FRA10AC1: variants seen among roughly 807,000 people sequenced by gnomAD.
FRA10AC1 encodes FRA10A associated CGG repeat 1.
A neutral mutation model predicts 56.5 loss-of-function variants in FRA10AC1; 43 were observed. That is an observed-to-expected ratio of 0.76 (90% CI 0.60 to 0.98). The LOEUF (loss-of-function observed/expected upper bound fraction) is 0.98. FRA10AC1 is among the 50% of genes least tolerant of loss of function. FRA10AC1 has a pLI of 0.00. For missense variants in FRA10AC1, 346 were observed against 351.8 expected, an observed-to-expected ratio of 0.98 and a Z score of 0.13; for synonymous variants, 112 against 110.5, an observed-to-expected ratio of 1.01 and a Z score of -0.09.
rs763992265 is a variant in FRA10AC1, at chr10:93,668,227, T to C, written c.*1599A>G. 8 of 152,258 alleles carry C rather than the reference T, an allele frequency of 5.3e-5. No homozygotes were observed. The highest frequency in any genetic ancestry group is 3.3e-4 in the Admixed American group (5 of 15,272). The allele number at this position is 152,258 out of a possible 1,614,324, so 9.4% of individuals were successfully genotyped here. A position where few individuals can be genotyped will look rare whatever the true frequency, so the allele number is the denominator to read the frequency against. On this transcript the variant is annotated 3_prime_UTR_variant, in exon 14 of 14. Coordinates refer to ENST00000359204, the MANE Select transcript of FRA10AC1 (RefSeq NM_145246.5). ...ATATCTTCAATAAAATACTTGCTTA[T>C]GTTCAGTTCATTTTCTATATGTCCT...
rs749886576 is a variant in FRA10AC1 at position 93,668,456 on chromosome 10, G to C, written c.*1370C>G. 2.0e-5 allele frequency: 3 copies of C among 152,116 alleles called. No homozygotes were observed. Among genetic ancestry groups the C allele is most frequent in the African/African-American group, 7.2e-5 (3 of 41,422 alleles). 9.4% of individuals were successfully genotyped at this position (152,116 alleles called of 1,614,324 possible). On this transcript the variant is annotated 3_prime_UTR_variant, in exon 14 of 14. Transcript: ENST00000359204. ...TCTAAAAAGGCTTGGATCTCCTGAAGCACCTCCATAGACCCTTGCGACTAG... is the reference window on the plus strand; with the variant it reads ...TCTAAAAAGGCTTGGATCTCCTGAACCACCTCCATAGACCCTTGCGACTAG...
intron 12 of FRA10AC1, chr10:93,671,164 G>A (rs2058755349): frequency 1.4e-5 from 3 of 220,484 alleles, no homozygotes; most frequent in African/African-American, 2.3e-5. Context: ...AGTTGTCTCT[G>A]ATCTAGTTTC....
chr10:93,693,557 C>T (rs1185996602), intron 5 of FRA10AC1, among the ~76,000 whole-genome samples: 9 of 127,424 alleles, frequency 7.1e-5, no homozygotes, highest in Admixed American at 1.7e-4. Flanking sequence ...TACACACATA[C>T]ATACACCATA....
At chr10:93,698,885 A>C (rs2059280813) in intron 2 of FRA10AC1, among the ~76,000 whole-genome samples, 1 of 152,224 alleles carries the variant, frequency 6.6e-6, no homozygotes, top group South Asian at 2.1e-4. Context: ...ACAAATTTGT[A>C]AACTTTCTTA....
intron 7 of FRA10AC1, among the ~76,000 whole-genome samples, chr10:93,689,499 A>G (rs2059088838): frequency 6.6e-6 from 1 of 152,118 alleles, no homozygotes; most frequent in Non-Finnish European, 1.5e-5. Context: ...TAGGATGTCT[A>G]CTGAAGCACA....
At chr10:93,671,752 T>C (rs7904844) in intron 12 of FRA10AC1, 135,580 of 297,944 alleles carry the variant, frequency 0.46, 33,652 homozygotes, top group Non-Finnish European at 0.52. Flanking sequence ...ATATGCACAT[T>C]ATATACATAC....
At chr10:93,692,528 G>A in intron 6 of FRA10AC1, 118 bp downstream of exon 6, 1 of 658,138 alleles carries the variant, frequency 1.5e-6, no homozygotes, top group South Asian at 2.0e-5. Flanking sequence ...TTGATTTTAT[G>A]TCCTTGATTC....
intron 10 of FRA10AC1, among the ~76,000 whole-genome samples, chr10:93,681,833 T>A (rs2058940766): frequency 6.6e-6 from 1 of 152,252 alleles, no homozygotes; most frequent in East Asian, 1.9e-4. Context: ...TTCTATAAGT[T>A]CTGTATACGA....
At chr10:93,701,281 T>C (rs1220873504) in intron 1 of FRA10AC1, among the ~76,000 whole-genome samples, 2 of 152,164 alleles carry the variant, frequency 1.3e-5, no homozygotes, top group Non-Finnish European at 2.9e-5. Flanking sequence ...GAAGGAACAG[T>C]CCAGGTTAAA....
At chr10:93,679,797 T>C (rs1313799498) in intron 11 of FRA10AC1, among the ~76,000 whole-genome samples, 5 of 152,072 alleles carry the variant, frequency 3.3e-5, no homozygotes, top group Non-Finnish European at 7.4e-5. Flanking sequence ...AAGGAGAATA[T>C]AACAGTAGCC....
At chr10:93,677,371 G>T (rs535349044) in intron 11 of FRA10AC1, among the ~76,000 whole-genome samples, 17 of 152,292 alleles carry the variant, frequency 1.1e-4, no homozygotes, top group African/African-American at 3.8e-4. Flanking sequence ...TGGATAGGAG[G>T]CCTCGTAACC....
chr10:93,698,401 T>C lies in FRA10AC1; in HGVS notation c.78-5A>G, dbSNP rs1400097748. The C allele has an allele frequency of 2.6e-6, 4 of 1,517,118 alleles. No homozygotes were observed. The highest frequency in any genetic ancestry group is 3.6e-6 in the Non-Finnish European group (4 of 1,101,178). The allele number at this position is 1,517,118 out of a possible 1,614,324, so 94.0% of individuals were successfully genotyped here. A position where few individuals can be genotyped will look rare whatever the true frequency, so the allele number is the denominator to read the frequency against. ...AGTAAGTCATCTTCAACTGTCCTGA[T>C]ATATTAAGAAGAAAATAAGAGTTCA... On this transcript the variant is annotated splice_polypyrimidine_tract_variant and splice_region_variant and intron_variant, in intron 2 of 13. Transcript: ENST00000359204.
chr10:93,700,113 A>G lies in FRA10AC1; in HGVS notation c.1-7T>C, dbSNP rs1438886484. 6.6e-7 allele frequency: 1 copy of G among 1,520,318 alleles called. No individual in the cohort carries two copies. The highest frequency in any genetic ancestry group is 1.4e-5 in the African/African-American group (1 of 73,110). 94.2% of individuals were successfully genotyped at this position (1,520,318 alleles called of 1,614,324 possible). On this transcript the variant is annotated splice_region_variant and splice_polypyrimidine_tract_variant and intron_variant, in intron 1 of 13. Coordinates refer to ENST00000359204, the MANE Select transcript of FRA10AC1 (RefSeq NM_145246.5). ...AGCCTCCATGACCATGCATCTGTAAAGGAGTACAAAGTCAGCTATTTAGAA... is the reference window on the plus strand; with the variant it reads ...AGCCTCCATGACCATGCATCTGTAAGGGAGTACAAAGTCAGCTATTTAGAA...
chr10:93,698,747 T>C lies in FRA10AC1; in HGVS notation c.78-351A>G, dbSNP rs140397542. Among the ~76,000 whole-genome samples the C allele has an allele frequency of 4.3e-3, 653 of 152,288 alleles. 3 individuals carry two copies. The highest frequency in any genetic ancestry group is 4.2e-3 in the Non-Finnish European group (289 of 68,030). On this transcript the variant is annotated intron_variant, in intron 2 of 13. Coordinates refer to ENST00000359204, the MANE Select transcript of FRA10AC1 (RefSeq NM_145246.5). Reference sequence around the variant, plus strand: ...CATTTCTCTATCTGTAACATAGTGATAAGGAAGTTTTTGGTAATTAATGAT... The same window carrying C: ...CATTTCTCTATCTGTAACATAGTGACAAGGAAGTTTTTGGTAATTAATGAT...
In FRA10AC1 at chr10:93,683,251, A is replaced by C. The variant is rs2058966966; in HGVS notation, c.668+805T>G. On this transcript the variant is annotated intron_variant, in intron 10 of 13. Coordinates refer to ENST00000359204, the MANE Select transcript of FRA10AC1 (RefSeq NM_145246.5). ...TAGTAAGCGGAGAAGCTGAGATTAA[A>C]AACTGAGGTCTGATTTCAAACCCCA... Among the ~76,000 whole-genome samples the C allele has an allele frequency of 2.0e-5, 3 of 152,214 alleles. No homozygotes were observed. The South Asian group carries it at 6.2e-4, about 31-fold the overall frequency.
intron 1 of FRA10AC1, among the ~76,000 whole-genome samples, chr10:93,702,145 A>T (rs1403506596): frequency 6.6e-6 from 1 of 151,180 alleles, no homozygotes; most frequent in Non-Finnish European, 1.5e-5. Context: ...ATCTTAACTC[A>T]CTGGTTGAAC....
intron 7 of FRA10AC1, among the ~76,000 whole-genome samples, chr10:93,688,928 C>T (rs1182411787): frequency 6.6e-6 from 1 of 152,108 alleles, no homozygotes; most frequent in Non-Finnish European, 1.5e-5. Flanking sequence ...GGGAAAGTTA[C>T]TTAACTTCTC....
intron 8 of FRA10AC1, among the ~76,000 whole-genome samples, chr10:93,686,365 C>A (rs75724009): frequency 8.5e-4 from 129 of 151,830 alleles, no homozygotes; most frequent in African/African-American, 2.8e-3. Context: ...CTTTCTTTCC[C>A]TTTCCTAACT....
In FRA10AC1 at chr10:93,694,894, T is replaced by C. The variant is rs770374356; in HGVS notation, c.263A>G (p.Tyr88Cys). ...TKFVNDYILY[Y>C]GGKKEDFKRL... is the part of the protein sequence containing the mutation. Reference sequence around the variant, plus strand: ...CTTGAAGTCTTCTTTTTTGCCACCATAGTATAAAATATAGTCATTTACGAA... The same window carrying C: ...CTTGAAGTCTTCTTTTTTGCCACCACAGTATAAAATATAGTCATTTACGAA... The change falls in exon 5 of 14, where the codon TAT (tyrosine) becomes TGT (cysteine). Residue 88 changes from tyrosine (Y) to cysteine (C), a missense_variant. By Grantham distance (194) the Tyr-to-Cys change is radical. Transcript: ENST00000359204. 17 of 1,585,128 alleles carry C rather than the reference T, an allele frequency of 1.1e-5. No homozygotes were observed. Among genetic ancestry groups the C allele is most frequent in the African/African-American group, 4.0e-5 (3 of 74,618 alleles).
Sources: gnomAD v4.1 joint callset for allele counts (sites outside exome capture counted in the v4.1 genomes callset) on GRCh38, gnomAD v4.1.1 for gene constraint, MANE v1.5 for transcripts, NCBI Gene and HGNC (gene_info 2026-07-23, HGNC 2026-07-21) for gene names.